SPATA13: variants seen among roughly 807,000 people sequenced by gnomAD.
SPATA13 encodes the protein spermatogenesis-associated protein 13.
SPATA13 carries 50 observed loss-of-function variants against 104.0 expected under a neutral mutation model. That is an observed-to-expected ratio of 0.48 (90% confidence interval 0.38 to 0.61). The LOEUF (loss-of-function observed/expected upper bound fraction) is 0.61. SPATA13 is among the 20% of genes least tolerant of loss of function. The probability of loss-of-function intolerance (pLI) is 0.00; values close to 1 mark genes in which losing one functional copy is unlikely to be tolerated. For missense variants in SPATA13, 1,524 were observed against 1,690.6 expected, an observed-to-expected ratio of 0.90 and a Z score of 1.73; for synonymous variants, 606 against 667.5, an observed-to-expected ratio of 0.91 and a Z score of 1.42.
At chr13:24,173,458 C>CT (rs1409169233) in intron 1 of SPATA13, among the ~76,000 whole-genome samples, 9 of 149,748 alleles carry the variant, frequency 6.0e-5, no homozygotes, top group Non-Finnish European at 1.0e-4. Flanking sequence ...AATGGAATGG[C>CT]TTTATTTCTT....
In SPATA13 at chr13:24,051,960, C is replaced by G. The variant is rs1878355889; in HGVS notation, c.-112+34259C>G. Among the ~76,000 whole-genome samples the G allele has an allele frequency of 6.6e-6, 1 of 152,200 alleles. No individual in the cohort carries two copies. The highest frequency in any genetic ancestry group is 1.9e-4 in the East Asian group (1 of 5,192). On this transcript the variant is annotated intron_variant, in intron 3 of 14. Transcript: ENST00000424834. This position sits in a 1 kb window ranked among gnomAD's most constrained non-coding sequence, Gnocchi z 4.2. ...CTCACCAGGTTCAGACGTCCTGGCT[C>G]TGGTCCTCCCACCTCATCTGTGCAC...
At chr13:24,148,077 A>G (rs2138466992) in intron 3 of SPATA13, among the ~76,000 whole-genome samples, 1 of 152,314 alleles carries the variant, frequency 6.6e-6, no homozygotes, top group Admixed American at 6.5e-5. Flanking sequence ...AATATCTGTT[A>G]AAGATCCTGC....
chr13:24,172,857 A>G (rs971356522), intron 1 of SPATA13, among the ~76,000 whole-genome samples: 80 of 152,358 alleles, frequency 5.3e-4, no homozygotes, highest in African/African-American at 1.9e-3. Flanking sequence ...CTCCATCAAC[A>G]TAAAATCTTG....
At chr13:24,139,360 G>A (rs541305814) in intron 3 of SPATA13, among the ~76,000 whole-genome samples, 102 of 152,222 alleles carry the variant, frequency 6.7e-4, no homozygotes, top group Non-Finnish European at 9.1e-4. Context: ...AGCTTACCTC[G>A]TAGTGGGGGC....
At chr13:24,173,394 GT>G (rs1463908431) in intron 1 of SPATA13, among the ~76,000 whole-genome samples, 4 of 150,744 alleles carry the variant, frequency 2.7e-5, no homozygotes, top group Non-Finnish European at 5.9e-5. Flanking sequence ...GTGTGTGTGT[GT>G]GTGTGTGGTA....
intron 3 of SPATA13, among the ~76,000 whole-genome samples, chr13:24,154,233 A>G (rs1882191120): frequency 6.6e-6 from 1 of 152,212 alleles, no homozygotes; most frequent in African/African-American, 2.4e-5. Flanking sequence ...TTTTTTTTCC[A>G]CTAAAAGCAT....
chr13:24,287,084 G>A (rs888931178), intron 7 of SPATA13, 134 bp downstream of exon 7: 13 of 721,816 alleles, frequency 1.8e-5, no homozygotes, highest in Middle Eastern at 4.0e-4. Flanking sequence ...CGCCTCTGCT[G>A]TCTGCACTGC....
chr13:24,293,771 C>T (rs370973016), intron 9 of SPATA13, among the ~76,000 whole-genome samples: 1 of 152,166 alleles, frequency 6.6e-6, no homozygotes, highest in Admixed American at 6.5e-5. Flanking sequence ...TGTGAATGGG[C>T]GTCTCTGAAG....
intron 1 of SPATA13, among the ~76,000 whole-genome samples, chr13:24,189,842 ATATAT>A (rs369287981): frequency 0.65 from 24,621 of 37,612 alleles, 10,246 homozygotes; most frequent in Non-Finnish European, 0.91. Context: ...ATGATATTTA[ATATAT>A]TATATTAATA....
chr13:24,252,513 G>A (rs1465592655), intron 4 of SPATA13, among the ~76,000 whole-genome samples: 1 of 152,168 alleles, frequency 6.6e-6, no homozygotes, highest in Non-Finnish European at 1.5e-5. Flanking sequence ...TACCATGTTT[G>A]TAACAATATG....
intron 2 of SPATA13, among the ~76,000 whole-genome samples, chr13:24,004,785 T>C (rs1203483392): frequency 6.6e-6 from 1 of 152,140 alleles, no homozygotes; most frequent in Non-Finnish European, 1.5e-5. Flanking sequence ...ACAGTGACAG[T>C]AGGCTAATAA....
intron 3 of SPATA13, among the ~76,000 whole-genome samples, chr13:24,105,237 C>T (rs1172073855): frequency 6.6e-6 from 1 of 152,152 alleles, no homozygotes; most frequent in Non-Finnish European, 1.5e-5. Context: ...ATTTTCCCAC[C>T]TCAGCCTCCA....
At chr13:24,010,883 A>G (rs560165993) in intron 2 of SPATA13, among the ~76,000 whole-genome samples, 32 of 151,510 alleles carry the variant, frequency 2.1e-4, no homozygotes, top group Non-Finnish European at 4.1e-4. Flanking sequence ...TGGTTCTAGG[A>G]ATGGTTTGCC....
At chr13:24,143,067 C>G (rs1427713595) in intron 3 of SPATA13, among the ~76,000 whole-genome samples, 3 of 152,204 alleles carry the variant, frequency 2.0e-5, no homozygotes, top group Admixed American at 2.0e-4. Flanking sequence ...CCAGGAAGCA[C>G]CTGCCGGGCA....
intron 3 of SPATA13, among the ~76,000 whole-genome samples, chr13:24,026,546 G>A (rs1000967732): frequency 6.6e-6 from 1 of 152,020 alleles, no homozygotes; most frequent in African/African-American, 2.4e-5. Flanking sequence ...TGTAGGAATT[G>A]GATACAAACT....
At chr13:24,122,490 C>T (rs1881065648) in intron 3 of SPATA13, 1 of 1,608,002 alleles carries the variant, frequency 6.2e-7, no homozygotes, top group Non-Finnish European at 8.5e-7. Context: ...AATATTCTTG[C>T]CCATCTTCAT....
chr13:24,220,432 T>C (rs1417323165), intron 1 of SPATA13, among the ~76,000 whole-genome samples: 14 of 152,234 alleles, frequency 9.2e-5, no homozygotes, highest in Non-Finnish European at 1.5e-5. Flanking sequence ...GAACTGGACT[T>C]GACCTTTTGA....
chr13:24,238,134 T>TTC (rs1160924296), intron 2 of SPATA13, among the ~76,000 whole-genome samples: 3 of 137,880 alleles, frequency 2.2e-5, no homozygotes, highest in Non-Finnish European at 4.8e-5. Context: ...CTTCTTGACT[T>TTC]TTTTTTTTTT....
intron 1 of SPATA13, among the ~76,000 whole-genome samples, chr13:24,204,925 C>CT (rs1870620300): frequency 6.6e-6 from 1 of 152,116 alleles, no homozygotes; most frequent in Admixed American, 6.6e-5. Context: ...GTATAAATAT[C>CT]TGTTCTGCAT....
Sources: allele counts gnomAD v4.1 joint callset (sites outside exome capture counted in the v4.1 genomes callset), GRCh38; gene constraint gnomAD v4.1.1; non-coding constraint Gnocchi (gnomAD v3.1); transcripts MANE v1.5; gene names NCBI Gene and HGNC (gene_info 2026-07-23, HGNC 2026-07-21).